Variants in TBC1D1 observed in about 807,000 individuals in gnomAD.
TBC1D1 encodes TBC1 domain family member 1.
TBC1D1 carries 89 observed loss-of-function variants against 125.6 expected under a neutral mutation model. The ratio of observed to expected loss-of-function variants is 0.71; its 90% CI spans 0.60 to 0.85. TBC1D1 has a LOEUF of 0.85. Among genes scored for constraint, TBC1D1 ranks in the 40% least tolerant of loss-of-function variants. The pLI, the probability that TBC1D1 is intolerant of heterozygous loss-of-function variation, is 0.00. For synonymous variants in TBC1D1, 565 were observed against 564.1 expected, an observed-to-expected ratio of 1.00 and a Z score of -0.02; for missense variants, 1,377 against 1,469.2, an observed-to-expected ratio of 0.94 and a Z score of 1.03.
intron 14 of TBC1D1, among the ~76,000 whole-genome samples, chr4:38,101,160 T>C (rs1381767462): frequency 6.6e-6 from 1 of 152,220 alleles, no homozygotes; most frequent in Admixed American, 6.5e-5. Flanking sequence ...TGCTGCTACC[T>C]GCCAGAGCAG....
chr4:38,034,455 C>CTT (rs1173152600), intron 7 of TBC1D1, among the ~76,000 whole-genome samples: 1 of 152,196 alleles, frequency 6.6e-6, no homozygotes, highest in Non-Finnish European at 1.5e-5. Flanking sequence ...ACAAGAACAA[C>CTT]TTACCTTTAA....
chr4:37,942,123 G>T (rs1197059124), intron 2 of TBC1D1, among the ~76,000 whole-genome samples: 1 of 152,158 alleles, frequency 6.6e-6, no homozygotes, highest in Non-Finnish European at 1.5e-5. Flanking sequence ...TGACAGTGGG[G>T]TGTTAAAGTC....
At chr4:38,040,439 C>T (rs1157255373) in intron 8 of TBC1D1, among the ~76,000 whole-genome samples, 1 of 152,194 alleles carries the variant, frequency 6.6e-6, no homozygotes, top group Non-Finnish European at 1.5e-5. Context: ...TAGGCGTGCG[C>T]CACCACGCCC....
chr4:37,899,166 G>A (rs1299524371), intron 1 of TBC1D1, among the ~76,000 whole-genome samples: 1 of 152,126 alleles, frequency 6.6e-6, no homozygotes, highest in Non-Finnish European at 1.5e-5. Flanking sequence ...AGTAGTTGGT[G>A]AAGTCAGTTA....
Position 38,137,223 on chromosome 4 carries a change from T to G in TBC1D1, c.3395T>G (p.Leu1132Ter). 1 of 1,612,726 alleles carries G rather than the reference T, an allele frequency of 6.2e-7. No homozygotes were observed. The highest frequency in any genetic ancestry group is 8.5e-7 in the Non-Finnish European group (1 of 1,180,022). The change falls in exon 20 of 20, where the codon TTA becomes TGA. Residue 1132 changes from leucine (L) to a stop codon, truncating the protein, a stop_gained. Coordinates refer to ENST00000261439, the MANE Select transcript of TBC1D1 (RefSeq NM_015173.4). LOFTEE classifies it low-confidence loss of function (END_TRUNC). Reference sequence around the variant, plus strand: ...AAGCTGAAGCAGGCCATGCTTACCTTAGAACTGGAGCGGTCGGCCCTGCTG... The same window carrying G: ...AAGCTGAAGCAGGCCATGCTTACCTGAGAACTGGAGCGGTCGGCCCTGCTG...
At chr4:38,055,021 G>C (rs554687312) in intron 12 of TBC1D1, 2 of 152,096 alleles carry the variant, frequency 1.3e-5, no homozygotes, top group African/African-American at 2.4e-5. Context: ...GGTAAATTCC[G>C]CCATGTTGCC....
chr4:38,078,950 A>G (rs1756071828), intron 12 of TBC1D1, among the ~76,000 whole-genome samples: 1 of 152,054 alleles, frequency 6.6e-6, no homozygotes, highest in African/African-American at 2.4e-5. Context: ...GGGAGATTTG[A>G]GGGTGAGGAA....
At chr4:37,897,164 T>A (rs76550303) in intron 1 of TBC1D1, among the ~76,000 whole-genome samples, 2,002 of 152,310 alleles carry the variant, frequency 0.013, 29 homozygotes, top group Non-Finnish European at 0.02. Context: ...TAACATGGAT[T>A]GAGATGGCTT....
At chr4:37,992,792 C>T (rs532705678) in intron 2 of TBC1D1, among the ~76,000 whole-genome samples, 4 of 145,554 alleles carry the variant, frequency 2.7e-5, no homozygotes, top group Admixed American at 7.0e-5. Context: ...CATGCCTGGC[C>T]GATTCTTTTT....
At chr4:37,902,575 C>T in intron 2 of TBC1D1, 63 bp downstream of exon 2, 1 of 1,286,182 alleles carries the variant, frequency 7.8e-7, no homozygotes, top group Non-Finnish European at 1.1e-6. Context: ...GTATGGGGGT[C>T]AGGATATTTA....
At chr4:37,983,428 CT>C (rs1734804581) in intron 2 of TBC1D1, among the ~76,000 whole-genome samples, 1 of 152,162 alleles carries the variant, frequency 6.6e-6, no homozygotes, top group Non-Finnish European at 1.5e-5. Flanking sequence ...CCCCCAAACT[CT>C]TATAGCTGTG....
intron 17 of TBC1D1, among the ~76,000 whole-genome samples, chr4:38,121,367 G>A (rs1309268784): frequency 2.0e-5 from 3 of 152,196 alleles, no homozygotes; most frequent in African/African-American, 7.2e-5. Flanking sequence ...ACACAGTAAC[G>A]CAATAAGAGG....
intron 2 of TBC1D1, among the ~76,000 whole-genome samples, chr4:37,928,479 G>C (rs1722574639): frequency 6.6e-6 from 1 of 152,004 alleles, no homozygotes. Context: ...ACACCTGATT[G>C]GTGAGTCTGA....
chr4:38,082,140 C>T (rs1756675615), intron 12 of TBC1D1, among the ~76,000 whole-genome samples: 1 of 152,172 alleles, frequency 6.6e-6, no homozygotes, highest in Non-Finnish European at 1.5e-5. Context: ...AGTCATTTTC[C>T]AGTGTCCCTT....
chr4:38,082,794 G>A (rs943253599), intron 12 of TBC1D1, among the ~76,000 whole-genome samples: 2 of 152,164 alleles, frequency 1.3e-5, no homozygotes, highest in African/African-American at 4.8e-5. Context: ...ACTTCCCACT[G>A]CCGTGTGGTC....
intron 4 of TBC1D1, among the ~76,000 whole-genome samples, chr4:38,019,111 C>T (rs2152433511): frequency 6.6e-6 from 1 of 151,914 alleles, no homozygotes; most frequent in Non-Finnish European, 1.5e-5. Flanking sequence ...TTAAGATTAG[C>T]TGTGCCAGTT....
At chr4:37,968,130 T>G (rs533448407) in intron 2 of TBC1D1, among the ~76,000 whole-genome samples, 3 of 152,346 alleles carry the variant, frequency 2.0e-5, no homozygotes, top group East Asian at 3.9e-4. Context: ...TTTTGAAATA[T>G]CACAGCATTT....
At chr4:38,051,039 G>T (rs7674408) in intron 11 of TBC1D1, among the ~76,000 whole-genome samples, 48,277 of 152,138 alleles carry the variant, frequency 0.32, 8,078 homozygotes, top group East Asian at 0.62. Flanking sequence ...TTACTTCTGT[G>T]CTGCCTCACC....
intron 1 of TBC1D1, among the ~76,000 whole-genome samples, chr4:37,891,807 T>C (rs1001074291): frequency 5.3e-5 from 8 of 151,868 alleles, no homozygotes; most frequent in Admixed American, 3.9e-4. Context: ...TTTCTTTCTA[T>C]GGGTACATCC....
Sources: allele counts gnomAD v4.1 joint callset (sites outside exome capture counted in the v4.1 genomes callset), GRCh38; gene constraint gnomAD v4.1.1; transcripts MANE v1.5; gene names NCBI Gene and HGNC (gene_info 2026-07-23, HGNC 2026-07-21).